KCNQ5: variants seen among roughly 807,000 people sequenced by gnomAD.
KCNQ5 encodes the protein potassium voltage-gated channel subfamily Q member 5.
A neutral mutation model predicts 98.2 loss-of-function variants in KCNQ5; 30 were observed. That is an observed-to-expected ratio of 0.31 (90% CI 0.23 to 0.41). The LOEUF is 0.41. KCNQ5 is among the 10% of genes least tolerant of loss of function. The pLI, the probability that KCNQ5 is intolerant of heterozygous loss-of-function variation, is 1.00. For missense variants in KCNQ5, 835 were observed against 1,182.5 expected (o/e 0.71, Z 4.31); for synonymous variants, 458 against 449.4 (o/e 1.02, Z -0.24).
intron 1 of KCNQ5, among the ~76,000 whole-genome samples, chr6:72,945,342 T>C (rs1165791824): frequency 6.6e-6 from 1 of 152,012 alleles, no homozygotes; most frequent in African/African-American, 2.4e-5. Flanking sequence ...CATGTTGGTG[T>C]GCTGCACCCA....
At chr6:72,752,987 T>A (rs1771763837) in intron 1 of KCNQ5, among the ~76,000 whole-genome samples, 1 of 152,094 alleles carries the variant, frequency 6.6e-6, no homozygotes, top group Non-Finnish European at 1.5e-5. Flanking sequence ...ATATTATTAA[T>A]GAATTAATAA....
At chr6:73,032,192 G>A (rs1363487853) in intron 2 of KCNQ5, among the ~76,000 whole-genome samples, 1 of 152,110 alleles carries the variant, frequency 6.6e-6, no homozygotes, top group Non-Finnish European at 1.5e-5. Context: ...TTGTTTTAAG[G>A]AATTTTATTT....
chr6:72,795,855 G>C (rs1774303774), intron 1 of KCNQ5, among the ~76,000 whole-genome samples: 1 of 152,040 alleles, frequency 6.6e-6, no homozygotes, highest in African/African-American at 2.4e-5. Context: ...AACGTTCATT[G>C]AAAAGTAATT....
chr6:72,706,876 A>G (rs1225813656), intron 1 of KCNQ5, among the ~76,000 whole-genome samples: 5 of 152,234 alleles, frequency 3.3e-5, no homozygotes, highest in Non-Finnish European at 7.4e-5. Context: ...AATACTTAGA[A>G]CCACATGTAA....
intron 1 of KCNQ5, among the ~76,000 whole-genome samples, chr6:72,808,214 A>T (rs1561996798): frequency 6.6e-6 from 1 of 152,230 alleles, no homozygotes; most frequent in African/African-American, 2.4e-5. Flanking sequence ...TATCTAAGAA[A>T]GAAGAAGTTG....
chr6:72,994,192 T>C (rs1769163139), intron 1 of KCNQ5, among the ~76,000 whole-genome samples: 1 of 85,846 alleles, frequency 1.2e-5, no homozygotes, highest in Admixed American at 1.3e-4. Context: ...CTCCACCCAG[T>C]TCGAGCTGCC....
intron 1 of KCNQ5, among the ~76,000 whole-genome samples, chr6:72,645,179 G>A (rs1246328290): frequency 6.7e-6 from 1 of 149,592 alleles, no homozygotes; most frequent in Non-Finnish European, 1.5e-5. Context: ...AGATCAATCT[G>A]GGCTATATAG....
At chr6:72,678,903 T>C (rs1215493392) in intron 1 of KCNQ5, among the ~76,000 whole-genome samples, 2 of 152,190 alleles carry the variant, frequency 1.3e-5, no homozygotes, top group African/African-American at 4.8e-5. Context: ...AAGCACTTCT[T>C]TTATCTTATT....
chr6:72,720,969 C>G (rs1769925137), intron 1 of KCNQ5, among the ~76,000 whole-genome samples: 1 of 152,066 alleles, frequency 6.6e-6, no homozygotes, highest in African/African-American at 2.4e-5. Context: ...GTGAGCATTC[C>G]TTGGAAGACA....
chr6:72,787,024 A>G (rs960603240), intron 1 of KCNQ5, among the ~76,000 whole-genome samples: 85 of 150,852 alleles, frequency 5.6e-4, no homozygotes, highest in South Asian at 4.4e-3. Context: ...AAAAAAAAAA[A>G]AAAAAGAAAT....
chr6:72,877,535 T>C (rs141950358), intron 1 of KCNQ5, among the ~76,000 whole-genome samples: 1 of 152,340 alleles, frequency 6.6e-6, no homozygotes, highest in African/African-American at 2.4e-5. Context: ...TACATGTGCA[T>C]GTATCTTTAT....
At chr6:73,150,331 G>A (rs951188196) in intron 10 of KCNQ5, among the ~76,000 whole-genome samples, 27 of 151,350 alleles carry the variant, frequency 1.8e-4, no homozygotes, top group Middle Eastern at 3.4e-3. Context: ...TTTTATTCTC[G>A]GGTATTTAGC....
At chr6:72,710,571 C>G (rs1366960586) in intron 1 of KCNQ5, among the ~76,000 whole-genome samples, 3 of 151,950 alleles carry the variant, frequency 2.0e-5, no homozygotes, top group Non-Finnish European at 4.4e-5. Flanking sequence ...GACTTTGGGT[C>G]AAAAACTGTA....
chr6:73,047,411 T>C (rs530620308), intron 3 of KCNQ5, among the ~76,000 whole-genome samples: 1 of 152,344 alleles, frequency 6.6e-6, no homozygotes, highest in Admixed American at 6.5e-5. Context: ...TATTTCCAAA[T>C]TGGAGACCTC....
intron 1 of KCNQ5, among the ~76,000 whole-genome samples, chr6:72,744,936 T>C (rs568239813): frequency 6.6e-6 from 1 of 152,318 alleles, no homozygotes; most frequent in South Asian, 2.1e-4. Context: ...GGACTGGATA[T>C]TGAAGCCTGG....
At chr6:72,931,030 T>G (rs1582037473) in intron 1 of KCNQ5, among the ~76,000 whole-genome samples, 2 of 152,162 alleles carry the variant, frequency 1.3e-5, no homozygotes, top group Non-Finnish European at 2.9e-5. Context: ...TGACTATGGT[T>G]TACTTTTATT....
chr6:73,051,664 T>C (rs1412907903), intron 3 of KCNQ5, among the ~76,000 whole-genome samples: 1 of 133,550 alleles, frequency 7.5e-6, no homozygotes, highest in Non-Finnish European at 1.5e-5. Context: ...ACCCACCTTA[T>C]ATGAGATTCA....
At chr6:73,025,329 A>G (rs907866465) in intron 2 of KCNQ5, among the ~76,000 whole-genome samples, 2 of 152,216 alleles carry the variant, frequency 1.3e-5, no homozygotes, top group Non-Finnish European at 2.9e-5. Flanking sequence ...ACTTATAAAT[A>G]AAAACACTTC....
chr6:72,898,585 T>C (rs1177026678), intron 1 of KCNQ5, among the ~76,000 whole-genome samples: 1 of 152,226 alleles, frequency 6.6e-6, no homozygotes, highest in East Asian at 1.9e-4. Flanking sequence ...TGATGAACAT[T>C]TGGGCTGGTT....
Sources: gnomAD v4.1 joint callset for allele counts (sites outside exome capture counted in the v4.1 genomes callset) on GRCh38, gnomAD v4.1.1 for gene constraint, MANE v1.5 for transcripts, NCBI Gene and HGNC (gene_info 2026-07-23, HGNC 2026-07-21) for gene names.